The following ATP6V1F variants were observed in gnomAD, a reference collection of about 807,000 sequenced individuals.
The protein encoded by ATP6V1F is ATPase H+ transporting V1 subunit F, also known as V-type proton ATPase subunit F.
ATP6V1F carries 4 observed loss-of-function variants against 6.6 expected under a neutral mutation model. That is an observed-to-expected ratio of 0.60 (90% confidence interval 0.30 to 1.38). The LOEUF is 1.38. Among genes scored for constraint, ATP6V1F ranks in the 40% most tolerant of loss-of-function variants. The pLI, the probability that ATP6V1F is intolerant of heterozygous loss-of-function variation, is 0.08. For synonymous variants in ATP6V1F, 68 were observed against 66.9 expected (o/e 1.02, Z -0.08); for missense variants, 136 against 165.5 (o/e 0.82, Z 0.98).
In ATP6V1F at chr7:128,865,291, C is replaced by T; in HGVS notation, c.159-86C>T. On this transcript the variant is annotated intron_variant, in intron 1 of 1. Transcript: ENST00000249289. This position sits in a 1 kb window ranked among gnomAD's most constrained non-coding sequence, Gnocchi z 4.4. Reference sequence around the variant, plus strand: ...ATGCTCATTCCCCTCCACAGCCCAGCCCAACAACTCGGAGAGGGCTGCCTG... The same window carrying T: ...ATGCTCATTCCCCTCCACAGCCCAGTCCAACAACTCGGAGAGGGCTGCCTG... The T allele has an allele frequency of 6.3e-7, 1 of 1,586,418 alleles. No homozygotes were observed. The highest frequency in any genetic ancestry group is 1.1e-5 in the South Asian group (1 of 88,770).
Position 128,865,257 on chromosome 7 carries a change from C to G in ATP6V1F, c.159-120C>G. On this transcript the variant is annotated intron_variant, in intron 1 of 1. Coordinates refer to ENST00000249289, the MANE Select transcript of ATP6V1F (RefSeq NM_004231.4). This position sits in a 1 kb window ranked among gnomAD's most constrained non-coding sequence, Gnocchi z 4.4. ...AGCCTTTCCCCTTGTCCTCTGTGCCCTCTGGGTCATGCTCATTCCCCTCCA... is the reference window on the plus strand; with the variant it reads ...AGCCTTTCCCCTTGTCCTCTGTGCCGTCTGGGTCATGCTCATTCCCCTCCA... 2 of 1,557,504 alleles carry G rather than the reference C, an allele frequency of 1.3e-6. No homozygotes were observed. Among genetic ancestry groups the G allele is most frequent in the South Asian group, 2.3e-5 (2 of 85,862 alleles).
Position 128,865,206 on chromosome 7 carries a change from A to T in ATP6V1F, c.159-171A>T. The T allele has an allele frequency of 6.5e-7, 1 of 1,539,064 alleles. No homozygotes were observed. Among genetic ancestry groups the T allele is most frequent in the Non-Finnish European group, 8.7e-7 (1 of 1,147,012 alleles). ...CTTTGGGATGAAATTGATTCTAGGT[A>T]GGGTTGACAGAGGGTTGAGCGTGGC... On this transcript the variant is annotated intron_variant, in intron 1 of 1. Transcript: ENST00000249289. This position sits in a 1 kb window ranked among gnomAD's most constrained non-coding sequence, Gnocchi z 4.4.
chr7:128,865,241 C>T lies in ATP6V1F; in HGVS notation c.159-136C>T. 2.6e-6 allele frequency: 4 copies of T among 1,548,234 alleles called. No homozygotes were observed. Among genetic ancestry groups the T allele is most frequent in the Non-Finnish European group, 3.5e-6 (4 of 1,146,992 alleles). The stretch of plus-strand genomic sequence containing the variant: ...GAGGGTTGAGCGTGGCAGCCTTTCC[C>T]CTTGTCCTCTGTGCCCTCTGGGTCA... On this transcript the variant is annotated intron_variant, in intron 1 of 1. Transcript: ENST00000249289. This position sits in a 1 kb window ranked among gnomAD's most constrained non-coding sequence, Gnocchi z 4.4.
At position 128,865,815 on chromosome 7, in the gene ATP6V1F, GTTAAA is replaced by G. The variant is rs1201796032; in HGVS notation, c.*243_*247del. ...GCTGTTACACAGTGTCATTGTTGATGTTAAATTAAAGTCATATTCTTGCTTCTCTC... is the reference window on the plus strand; with the variant it reads ...GCTGTTACACAGTGTCATTGTTGATGTTAAAGTCATATTCTTGCTTCTCTC... On this transcript the variant is annotated 3_prime_UTR_variant, in exon 2 of 2. Transcript: ENST00000249289. The surrounding 1 kb of genome is among the most constrained non-coding windows in gnomAD (Gnocchi z 4.4). 2 of 565,766 alleles carry G rather than the reference GTTAAA, an allele frequency of 3.5e-6. No homozygotes were observed. Among genetic ancestry groups the G allele is most frequent in the Non-Finnish European group, 6.2e-6 (2 of 320,648 alleles). The allele number at this position is 565,766 out of a possible 1,614,324, so 35.0% of individuals were successfully genotyped here.
Position 128,862,894 on chromosome 7 carries a change from C to G in ATP6V1F, c.-11C>G, listed in dbSNP as rs908459545. The G allele has an allele frequency of 3.8e-6, 6 of 1,586,356 alleles. No individual in the cohort carries two copies. Among genetic ancestry groups the G allele is most frequent in the South Asian group, 1.1e-5 (1 of 87,762 alleles). ...CTGGTGCTCTAGGGTGAGCTCTGCCCGGCTGCAGGGATGGCGGGGAGGGGT... is the reference window on the plus strand; with the variant it reads ...CTGGTGCTCTAGGGTGAGCTCTGCCGGGCTGCAGGGATGGCGGGGAGGGGT... On this transcript the variant is annotated 5_prime_UTR_variant, in exon 1 of 2. Transcript: ENST00000249289.
chr7:128,865,288 C>T lies in ATP6V1F; in HGVS notation c.159-89C>T. 1.3e-6 allele frequency: 2 copies of T among 1,585,312 alleles called. No individual in the cohort carries two copies. The highest frequency in any genetic ancestry group is 1.8e-4 in the Middle Eastern group (1 of 5,472). On this transcript the variant is annotated intron_variant, in intron 1 of 1. Transcript: ENST00000249289. The surrounding 1 kb of genome is among the most constrained non-coding windows in gnomAD (Gnocchi z 4.4). Reference sequence around the variant, plus strand: ...GTCATGCTCATTCCCCTCCACAGCCCAGCCCAACAACTCGGAGAGGGCTGC... The same window carrying T: ...GTCATGCTCATTCCCCTCCACAGCCTAGCCCAACAACTCGGAGAGGGCTGC...
In ATP6V1F at chr7:128,865,497, C is replaced by T. The variant is rs894010297; in HGVS notation, c.279C>T (p.Ser93=). The change falls in exon 2 of 2, where the codon TCC becomes TCT. Residue 93 remains serine, a synonymous_variant. Transcript: ENST00000249289. This position sits in a 1 kb window ranked among gnomAD's most constrained non-coding sequence, Gnocchi z 4.4. ...QSIPAVLEIP[S]KEHPYDAAKD... Reference sequence around the variant, plus strand: ...TCCCCGCTGTCCTGGAGATCCCCTCCAAGGAGCACCCATATGACGCCGCCA... The same window carrying T: ...TCCCCGCTGTCCTGGAGATCCCCTCTAAGGAGCACCCATATGACGCCGCCA... 2 of 1,614,032 alleles carry T rather than the reference C, an allele frequency of 1.2e-6. No homozygotes were observed. The highest frequency in any genetic ancestry group is 1.7e-6 in the Non-Finnish European group (2 of 1,180,042).
At chr7:128,864,949 T>C (rs1027720090) in intron 1 of ATP6V1F, 66 of 620,360 alleles carry the variant, frequency 1.1e-4, no homozygotes, top group African/African-American at 9.3e-4. Context: ...GCAATCCACC[T>C]GCCTCGGCCT....
At chr7:128,863,302 C>T (rs1809313455) in intron 1 of ATP6V1F, among the ~76,000 whole-genome samples, 1 of 152,194 alleles carries the variant, frequency 6.6e-6, no homozygotes, top group African/African-American at 2.4e-5. Context: ...GAACAGAGCT[C>T]GTGACAGCCT....
At position 128,865,757 on chromosome 7, in the gene ATP6V1F, C is replaced by A. The variant is rs540964737; in HGVS notation, c.*179C>A. On this transcript the variant is annotated 3_prime_UTR_variant, in exon 2 of 2. Coordinates refer to ENST00000249289, the MANE Select transcript of ATP6V1F (RefSeq NM_004231.4). The surrounding 1 kb of genome is among the most constrained non-coding windows in gnomAD (Gnocchi z 4.4). ...GCTCTGCTGGTTAAGGAACAGGAAG[C>A]CTGACCATCTCCCTCCACTACCTCT... 1.9e-5 allele frequency: 12 copies of A among 629,888 alleles called. No individual in the cohort carries two copies. Among genetic ancestry groups the A allele is most frequent in the Non-Finnish European group, 3.3e-5 (12 of 364,482 alleles). 39.0% of individuals were successfully genotyped at this position (629,888 alleles called of 1,614,324 possible).
At position 128,865,331 on chromosome 7, in the gene ATP6V1F, C is replaced by T; in HGVS notation, c.159-46C>T. ...AGGGCTGCCTGGGTAGGAGAGACGG[C>T]AGCCCCCAGAGCTGTCCTGGACTCC... On this transcript the variant is annotated intron_variant, in intron 1 of 1. Transcript: ENST00000249289. The surrounding 1 kb of genome is among the most constrained non-coding windows in gnomAD (Gnocchi z 4.4). 1 of 1,606,968 alleles carries T rather than the reference C, an allele frequency of 6.2e-7. No individual in the cohort carries two copies. The highest frequency in any genetic ancestry group is 8.5e-7 in the Non-Finnish European group (1 of 1,174,706).
In ATP6V1F at chr7:128,865,809, G is replaced by A; in HGVS notation, c.*231G>A. The A allele has an allele frequency of 1.7e-6, 1 of 572,212 alleles. No individual in the cohort carries two copies. Among genetic ancestry groups the A allele is most frequent in the Non-Finnish European group, 3.1e-6 (1 of 324,240 alleles). 35.4% of individuals were successfully genotyped at this position (572,212 alleles called of 1,614,324 possible). On this transcript the variant is annotated 3_prime_UTR_variant, in exon 2 of 2. Transcript: ENST00000249289. The surrounding 1 kb of genome is among the most constrained non-coding windows in gnomAD (Gnocchi z 4.4). ...CCCTGTGCTGTTACACAGTGTCATT[G>A]TTGATGTTAAATTAAAGTCATATTC...
In ATP6V1F at chr7:128,865,372, C is replaced by T. The variant is rs1809368001; in HGVS notation, c.159-5C>T. The stretch of plus-strand genomic sequence containing the variant: ...CCTGGACTCCCTTCTCATCTCTCCC[C>T]ACAGGCAATTTCTAAACCGGGATGA... On this transcript the variant is annotated splice_region_variant and splice_polypyrimidine_tract_variant and intron_variant, in intron 1 of 1. Coordinates refer to ENST00000249289, the MANE Select transcript of ATP6V1F (RefSeq NM_004231.4). The surrounding 1 kb of genome is among the most constrained non-coding windows in gnomAD (Gnocchi z 4.4). 3 of 1,614,062 alleles carry T rather than the reference C, an allele frequency of 1.9e-6. No individual in the cohort carries two copies. Among genetic ancestry groups the T allele is most frequent in the Non-Finnish European group, 2.5e-6 (3 of 1,180,002 alleles).
chr7:128,863,507 G>A (rs541610108), intron 1 of ATP6V1F, among the ~76,000 whole-genome samples: 4 of 152,148 alleles, frequency 2.6e-5, no homozygotes, highest in Non-Finnish European at 5.9e-5. Flanking sequence ...TTCTGCCTCC[G>A]GTAAGCCAGG....
At chr7:128,864,662 G>A (rs1426752890) in intron 1 of ATP6V1F, among the ~76,000 whole-genome samples, 3 of 149,618 alleles carry the variant, frequency 2.0e-5, no homozygotes, top group African/African-American at 7.4e-5. Context: ...TTGCAGTGGC[G>A]TGATCGCAGC....
intron 1 of ATP6V1F, 42 bp downstream of exon 1, chr7:128,863,104 C>T: frequency 1.9e-6 from 3 of 1,586,090 alleles, no homozygotes; most frequent in Non-Finnish European, 2.6e-6. Flanking sequence ...TTCTGCTGCT[C>T]GGTGGAGTGC....
rs1809374853 is a variant in ATP6V1F at position 128,865,529 on chromosome 7, C to G, written c.311C>G (p.Ser104Cys). 6.2e-7 allele frequency: 1 copy of G among 1,614,120 alleles called. No individual in the cohort carries two copies. Among genetic ancestry groups the G allele is most frequent in the African/African-American group, 1.3e-5 (1 of 75,070 alleles). Residue 104 changes from serine to cysteine, a missense_variant, in exon 2 of 2, where the codon TCC (serine) becomes TGC (cysteine). Coordinates refer to ENST00000249289, the MANE Select transcript of ATP6V1F (RefSeq NM_004231.4). This position sits in a 1 kb window ranked among gnomAD's most constrained non-coding sequence, Gnocchi z 4.4. The stretch of plus-strand genomic sequence containing the variant: ...CACCCATATGACGCCGCCAAGGACT[C>G]CATCCTGCGCAGGGCCAGGGGCATG... ...KEHPYDAAKD[S>C]ILRRARGMFT...
In ATP6V1F at chr7:128,865,252, G is replaced by A. The variant is rs1430945897; in HGVS notation, c.159-125G>A. 1.9e-5 allele frequency: 30 copies of A among 1,553,212 alleles called. No individual in the cohort carries two copies. Among genetic ancestry groups the A allele is most frequent in the Non-Finnish European group, 2.5e-5 (29 of 1,148,004 alleles). On this transcript the variant is annotated intron_variant, in intron 1 of 1. Transcript: ENST00000249289. The surrounding 1 kb of genome is among the most constrained non-coding windows in gnomAD (Gnocchi z 4.4). ...GTGGCAGCCTTTCCCCTTGTCCTCT[G>A]TGCCCTCTGGGTCATGCTCATTCCC... is the stretch of plus-strand genomic sequence containing the variant.
At chr7:128,864,791 TG>T (rs1239323072) in intron 1 of ATP6V1F, 2 of 196,350 alleles carry the variant, frequency 1.0e-5, no homozygotes, top group African/African-American at 2.4e-5. Context: ...ATTTTTTTTT[TG>T]TGTGTATATA....
Sources: allele counts gnomAD v4.1 joint callset (sites outside exome capture counted in the v4.1 genomes callset), GRCh38; gene constraint gnomAD v4.1.1; non-coding constraint Gnocchi (gnomAD v3.1); transcripts MANE v1.5; gene names NCBI Gene and HGNC (gene_info 2026-07-23, HGNC 2026-07-21).